The following SPECC1 variants were observed in gnomAD, a reference collection of about 807,000 sequenced individuals.
The protein encoded by SPECC1 is cytospin-B.
Under a neutral mutation model 104.1 loss-of-function variants are expected in SPECC1, and 62 were observed. The ratio of observed to expected loss-of-function variants is 0.60; its 90% CI spans 0.49 to 0.74. The LOEUF (loss-of-function observed/expected upper bound fraction) is 0.74. SPECC1 is among the 30% of genes least tolerant of loss of function. The probability of loss-of-function intolerance (pLI) is 0.00; values close to 1 mark genes in which losing one functional copy is unlikely to be tolerated. For missense variants in SPECC1, 1,306 were observed against 1,310.5 expected (o/e 1.00, Z 0.05); for synonymous variants, 513 against 501.6 (o/e 1.02, Z -0.30).
At chr17:20,229,304 T>C (rs887596296) in intron 5 of SPECC1, among the ~76,000 whole-genome samples, 14 of 152,114 alleles carry the variant, frequency 9.2e-5, no homozygotes, top group Admixed American at 8.5e-4. Flanking sequence ...ACACGTGTAT[T>C]AGGGAAGCTT....
intron 3 of SPECC1, among the ~76,000 whole-genome samples, chr17:20,164,999 T>C (rs1413340785): frequency 2.6e-5 from 4 of 152,184 alleles, no homozygotes; most frequent in African/African-American, 9.6e-5. Flanking sequence ...TAAAGCAGTA[T>C]CTTTTTTAAA....
intron 3 of SPECC1, chr17:20,156,005 C>CG (rs1454205186): frequency 7.8e-7 from 1 of 1,282,828 alleles, no homozygotes; most frequent in Non-Finnish European, 9.9e-7. Flanking sequence ...GATGAGGGGG[C>CG]GGGGCCCACG....
At chr17:20,241,663 G>T (rs1231756848) in intron 7 of SPECC1, among the ~76,000 whole-genome samples, 1 of 151,492 alleles carries the variant, frequency 6.6e-6, no homozygotes, top group African/African-American at 2.4e-5. Flanking sequence ...AGATTATGAT[G>T]CTGGTGTTCA....
chr17:20,056,681 T>C (rs550745761), intron 1 of SPECC1: 1 of 152,898 alleles, frequency 6.5e-6, no homozygotes, highest in East Asian at 1.9e-4. Context: ...CTTCTGACAA[T>C]TATGCAGAGG....
intron 3 of SPECC1, among the ~76,000 whole-genome samples, chr17:20,134,655 T>TA (rs1426677560): frequency 2.0e-5 from 3 of 152,166 alleles, no homozygotes; most frequent in Non-Finnish European, 4.4e-5. Flanking sequence ...CTCACTATGT[T>TA]GCCCAGGCTA....
At chr17:20,072,676 A>C (rs1305745250) in intron 1 of SPECC1, among the ~76,000 whole-genome samples, 1 of 152,226 alleles carries the variant, frequency 6.6e-6, no homozygotes, top group Non-Finnish European at 1.5e-5. Flanking sequence ...TATAGTGAAC[A>C]TGGGGGATTC....
At chr17:20,041,660 C>T (rs2045335938) in intron 1 of SPECC1, among the ~76,000 whole-genome samples, 2 of 98,232 alleles carry the variant, frequency 2.0e-5, no homozygotes, top group South Asian at 7.8e-4. Flanking sequence ...CGAAGTCTTG[C>T]TCTGTTGCCC....
intron 3 of SPECC1, among the ~76,000 whole-genome samples, chr17:20,180,387 AC>A (rs1163600926): frequency 6.6e-6 from 1 of 152,212 alleles, no homozygotes; most frequent in Admixed American, 6.5e-5. Context: ...ATTGAACAGG[AC>A]TAAGAGGTAC....
At chr17:20,179,328 T>C (rs2034700907) in intron 3 of SPECC1, among the ~76,000 whole-genome samples, 1 of 152,280 alleles carries the variant, frequency 6.6e-6, no homozygotes, top group African/African-American at 2.4e-5. Context: ...TTCTGGGATC[T>C]TGATCTTGCT....
intron 3 of SPECC1, among the ~76,000 whole-genome samples, chr17:20,199,365 G>A (rs1344547907): frequency 6.8e-6 from 1 of 148,086 alleles, no homozygotes; most frequent in Non-Finnish European, 1.5e-5. Context: ...GGAATTACAG[G>A]CGTGAGCCAC....
intron 1 of SPECC1, among the ~76,000 whole-genome samples, chr17:20,061,330 C>A (rs1037987187): frequency 7.0e-4 from 106 of 152,330 alleles, no homozygotes; most frequent in African/African-American, 2.4e-3. Flanking sequence ...CCTCGGCCTC[C>A]CAAAGTGCTG....
At chr17:20,079,482 G>A (rs930064876) in intron 1 of SPECC1, among the ~76,000 whole-genome samples, 14 of 151,840 alleles carry the variant, frequency 9.2e-5, no homozygotes, top group African/African-American at 3.4e-4. Context: ...TTATTTGTAG[G>A]TATAGAGGCT....
chr17:20,162,539 A>G (rs1426824851), intron 3 of SPECC1, among the ~76,000 whole-genome samples: 1 of 152,228 alleles, frequency 6.6e-6, no homozygotes, highest in Admixed American at 6.5e-5. Context: ...GGTGATTCAT[A>G]GGTTAAAACA....
chr17:20,116,802 A>AATT (rs2048777804), intron 3 of SPECC1, among the ~76,000 whole-genome samples: 1 of 62,160 alleles, frequency 1.6e-5, no homozygotes, highest in Non-Finnish European at 3.7e-5. Context: ...GTGTCTGGAG[A>AATT]CTTTTTTTTT....
intron 12 of SPECC1, among the ~76,000 whole-genome samples, chr17:20,277,722 C>T (rs1338547825): frequency 6.6e-6 from 1 of 152,212 alleles, no homozygotes; most frequent in Non-Finnish European, 1.5e-5. Flanking sequence ...GCTTTAAACA[C>T]GGGGTAGGGG....
At chr17:20,078,765 G>C (rs943142575) in intron 1 of SPECC1, among the ~76,000 whole-genome samples, 4 of 152,076 alleles carry the variant, frequency 2.6e-5, no homozygotes, top group African/African-American at 9.7e-5. Context: ...ATTTTTATTT[G>C]TATGTATATA....
intron 3 of SPECC1, among the ~76,000 whole-genome samples, chr17:20,151,017 C>T (rs1249357527): frequency 1.3e-5 from 2 of 151,968 alleles, no homozygotes; most frequent in Non-Finnish European, 2.9e-5. Context: ...CCATAAAAAC[C>T]TTTTTGTCTT....
At chr17:20,262,246 T>G (rs568467794) in intron 12 of SPECC1, among the ~76,000 whole-genome samples, 1 of 152,356 alleles carries the variant, frequency 6.6e-6, no homozygotes, top group South Asian at 2.1e-4. Context: ...TTGGAGCTAT[T>G]ATGAATAACG....
chr17:20,239,269 C>T (rs2039082428), intron 7 of SPECC1: 1 of 1,014,182 alleles, frequency 9.9e-7, no homozygotes, highest in Non-Finnish European at 1.2e-6. Flanking sequence ...ATACTAATAA[C>T]AAAATGGAGA....
Sources: gnomAD v4.1 joint callset for allele counts (sites outside exome capture counted in the v4.1 genomes callset) on GRCh38, gnomAD v4.1.1 for gene constraint, MANE v1.5 for transcripts, NCBI Gene and HGNC (gene_info 2026-07-23, HGNC 2026-07-21) for gene names.